ADGRV1: variants seen among roughly 807,000 people sequenced by gnomAD.
ADGRV1 encodes adhesion G protein-coupled receptor V1.
Under a neutral mutation model 596.2 loss-of-function variants are expected in ADGRV1, and 359 were observed. The observed-to-expected ratio is 0.60, with a 90% confidence interval of 0.55 to 0.66. The LOEUF is 0.66. ADGRV1 is among the 30% of genes least tolerant of loss of function. ADGRV1 has a pLI of 0.00. For missense variants in ADGRV1, 7,274 were observed against 7,575.6 expected, an observed-to-expected ratio of 0.96 and a Z score of 1.48; for synonymous variants, 2,681 against 2,679.2, an observed-to-expected ratio of 1.00 and a Z score of -0.02.
chr5:90,691,334 C>T (rs1300871118), intron 31 of ADGRV1, among the ~76,000 whole-genome samples: 1 of 150,080 alleles, frequency 6.7e-6, no homozygotes, highest in Non-Finnish European at 1.5e-5. Context: ...TATGTATATA[C>T]ACATATATAG....
intron 85 of ADGRV1, among the ~76,000 whole-genome samples, chr5:90,989,758 C>G (rs1200231993): frequency 6.6e-6 from 1 of 152,188 alleles, no homozygotes; most frequent in Non-Finnish European, 1.5e-5. Flanking sequence ...ATTCTTCCCA[C>G]TCTCCTCCCT....
chr5:90,692,806 G>A lies in ADGRV1; in HGVS notation c.7133+20G>A, dbSNP rs1165861199. 2.6e-6 allele frequency: 4 copies of A among 1,553,466 alleles called. No homozygotes were observed. The highest frequency in any genetic ancestry group is 3.5e-6 in the Non-Finnish European group (4 of 1,149,892). On this transcript the variant is annotated intron_variant, in intron 32 of 89. Transcript: ENST00000405460. ...GCGAAGGTATATGAGATAGCTACTTGCCTCTGTGGGAGTGATGAGAATTGT... is the reference window on the plus strand; with the variant it reads ...GCGAAGGTATATGAGATAGCTACTTACCTCTGTGGGAGTGATGAGAATTGT...
chr5:91,032,696 C>T (rs954728412), intron 85 of ADGRV1, among the ~76,000 whole-genome samples: 2 of 151,976 alleles, frequency 1.3e-5, no homozygotes, highest in African/African-American at 2.4e-5. Flanking sequence ...AACAAAATCT[C>T]CCATTATGGT....
At chr5:90,955,353 T>G (rs1777384077) in intron 83 of ADGRV1, among the ~76,000 whole-genome samples, 1 of 152,202 alleles carries the variant, frequency 6.6e-6, no homozygotes, top group Non-Finnish European at 1.5e-5. Flanking sequence ...AATTTTGTAT[T>G]CCAAAGACCT....
chr5:90,617,742 A>G, intron 2 of ADGRV1, 62 bp from the exon 3 acceptor site: 1 of 1,349,342 alleles, frequency 7.4e-7, no homozygotes, highest in South Asian at 1.4e-5. Context: ...TGTAATTAAC[A>G]TCAGTTTTAC....
chr5:90,681,185 TA>T, intron 26 of ADGRV1, 129 bp from the exon 27 acceptor site: 2 of 1,000,022 alleles, frequency 2.0e-6, no homozygotes, highest in Non-Finnish European at 2.9e-6. Flanking sequence ...CCTTTCTTTC[TA>T]AAACAAATTA....
chr5:90,941,383 A>G (rs1023870626), intron 83 of ADGRV1, among the ~76,000 whole-genome samples: 1 of 152,212 alleles, frequency 6.6e-6, no homozygotes, highest in Non-Finnish European at 1.5e-5. Flanking sequence ...ACAAATAGCC[A>G]TTTTTTAAAA....
At chr5:90,972,154 A>G (rs1266051192) in intron 84 of ADGRV1, among the ~76,000 whole-genome samples, 2 of 152,246 alleles carry the variant, frequency 1.3e-5, no homozygotes, top group African/African-American at 4.8e-5. Flanking sequence ...AGAGCTGACT[A>G]TCCTAAATAT....
chr5:90,894,661 T>A (rs932779304), intron 83 of ADGRV1, among the ~76,000 whole-genome samples: 1 of 152,220 alleles, frequency 6.6e-6, no homozygotes, highest in Non-Finnish European at 1.5e-5. Context: ...GTGAGTTCCC[T>A]GAGTTTGACA....
At chr5:90,568,710 C>T (rs998810624) in intron 1 of ADGRV1, among the ~76,000 whole-genome samples, 2 of 152,084 alleles carry the variant, frequency 1.3e-5, no homozygotes, top group African/African-American at 2.4e-5. Flanking sequence ...ACATGGGGTA[C>T]TAAAGTCACT....
At chr5:90,887,238 G>A (rs1476250857) in intron 83 of ADGRV1, among the ~76,000 whole-genome samples, 5 of 152,182 alleles carry the variant, frequency 3.3e-5, no homozygotes, top group East Asian at 1.9e-4. Context: ...TGTGGGTGCC[G>A]TGGTCTCTGC....
chr5:91,130,940 A>C (rs1794163810), intron 87 of ADGRV1, among the ~76,000 whole-genome samples: 1 of 152,234 alleles, frequency 6.6e-6, no homozygotes, highest in Admixed American at 6.5e-5. Flanking sequence ...GTTGCCACAA[A>C]GGATGTGATT....
At chr5:90,618,205 T>A (rs1763611454) in intron 3 of ADGRV1, among the ~76,000 whole-genome samples, 1 of 152,166 alleles carries the variant, frequency 6.6e-6, no homozygotes, top group African/African-American at 2.4e-5. Flanking sequence ...TGACAGTTGC[T>A]CCAGAAAACT....
intron 85 of ADGRV1, 126 bp downstream of exon 85, chr5:90,985,648 C>T (rs958005107): frequency 1.6e-6 from 1 of 632,826 alleles, no homozygotes; most frequent in African/African-American, 1.8e-5. Context: ...GTCTGAAGCT[C>T]TGCTTACTCT....
intron 85 of ADGRV1, among the ~76,000 whole-genome samples, chr5:91,068,394 A>G (rs1234715804): frequency 6.6e-6 from 1 of 151,916 alleles, no homozygotes; most frequent in Non-Finnish European, 1.5e-5. Flanking sequence ...GTGTGAACCC[A>G]GGAGGCGGAA....
chr5:90,560,049 C>T (rs1478006570), intron 1 of ADGRV1, among the ~76,000 whole-genome samples: 1 of 152,100 alleles, frequency 6.6e-6, no homozygotes, highest in Non-Finnish European at 1.5e-5. Flanking sequence ...GTCAAATAGA[C>T]TCTGAACTGT....
chr5:90,974,430 C>G (rs1779360782), intron 84 of ADGRV1, among the ~76,000 whole-genome samples: 1 of 152,212 alleles, frequency 6.6e-6, no homozygotes, highest in African/African-American at 2.4e-5. Flanking sequence ...AGAGGCATCA[C>G]ACTACCTGAC....
intron 59 of ADGRV1, among the ~76,000 whole-genome samples, chr5:90,771,286 G>A (rs981391206): frequency 6.6e-6 from 1 of 152,136 alleles, no homozygotes. Context: ...AAAGTAAAAA[G>A]GATATAGATT....
At chr5:91,111,211 A>G (rs1159707006) in intron 87 of ADGRV1, among the ~76,000 whole-genome samples, 1 of 152,088 alleles carries the variant, frequency 6.6e-6, no homozygotes, top group African/African-American at 2.4e-5. Flanking sequence ...AATAACAAAC[A>G]GTTCTCTCTC....
Sources: gnomAD v4.1 joint callset for allele counts (sites outside exome capture counted in the v4.1 genomes callset) on GRCh38, gnomAD v4.1.1 for gene constraint, MANE v1.5 for transcripts, NCBI Gene and HGNC (gene_info 2026-07-23, HGNC 2026-07-21) for gene names.